Variants in SEMA5A observed in about 807,000 individuals in gnomAD.
The protein encoded by SEMA5A is semaphorin-5A.
A neutral mutation model predicts 135.5 loss-of-function variants in SEMA5A; 55 were observed. The observed-to-expected ratio is 0.41, with a 90% CI of 0.33 to 0.51. The LOEUF (loss-of-function observed/expected upper bound fraction) is 0.51, where lower values mean the gene tolerates loss of function less well. Ranked by LOEUF, SEMA5A falls within the 20% of genes least tolerant of loss-of-function variation. The pLI, the probability that SEMA5A is intolerant of heterozygous loss-of-function variation, is 0.37. For missense variants in SEMA5A, 1,290 were observed against 1,419.9 expected, an observed-to-expected ratio of 0.91 and a Z score of 1.47; for synonymous variants, 580 against 546.5, an observed-to-expected ratio of 1.06 and a Z score of -0.85.
At chr5:9,126,203 A>G (rs1262850865) in intron 13 of SEMA5A, among the ~76,000 whole-genome samples, 2 of 152,148 alleles carry the variant, frequency 1.3e-5, no homozygotes, top group Non-Finnish European at 2.9e-5. Flanking sequence ...AGACACCACC[A>G]TGGGAGCTGT....
At position 9,136,531 on chromosome 5, in the gene SEMA5A, C is replaced by T; in HGVS notation, c.1572G>A (p.Gln524=). ...GACACGCAGAGATGCTCTGTTCCCA[C>T]TGCGTCATGCTCAGGCTCTCCTCCA... ...TSLEESLSMT[Q]WEQSISACPT... is the part of the protein sequence containing the mutation. The change falls in exon 13 of 23, where the codon CAG becomes CAA. Residue 524 remains glutamine (Q), a synonymous_variant. Transcript: ENST00000382496. The T allele has an allele frequency of 6.2e-7, 1 of 1,614,194 alleles. No homozygotes were observed.
At chr5:9,100,090 C>T (rs777378016) in intron 16 of SEMA5A, among the ~76,000 whole-genome samples, 3 of 152,156 alleles carry the variant, frequency 2.0e-5, no homozygotes, top group African/African-American at 4.8e-5. Context: ...TGCCATCTGG[C>T]CTAATAATGG....
At position 9,051,861 on chromosome 5, in the gene SEMA5A, C is replaced by T. The variant is rs754690214; in HGVS notation, c.2845+12G>A. 120 of 1,613,940 alleles carry T rather than the reference C, an allele frequency of 7.4e-5. 4 individuals are homozygous for T. The East Asian group carries it at 2.6e-3, about 35-fold the overall frequency. On this transcript the variant is annotated intron_variant, in intron 20 of 22. Transcript: ENST00000382496. Reference sequence around the variant, plus strand: ...TGATTTTATTCTTACTGATAAATACCTCTGCTCTTACCTGGGATGAAATTA... The same window carrying T: ...TGATTTTATTCTTACTGATAAATACTTCTGCTCTTACCTGGGATGAAATTA...
intron 16 of SEMA5A, among the ~76,000 whole-genome samples, chr5:9,080,613 A>T (rs975514288): frequency 3.9e-5 from 6 of 152,000 alleles, no homozygotes; most frequent in Non-Finnish European, 7.4e-5. Context: ...CAATTGGTAA[A>T]ACTACTAAAG....
intron 5 of SEMA5A, chr5:9,265,369 A>T: frequency 2.2e-6 from 1 of 454,278 alleles, no homozygotes. Context: ...TCAGCTCCCT[A>T]CCAGACCATA....
chr5:9,252,177 C>A (rs968361944), intron 5 of SEMA5A, among the ~76,000 whole-genome samples: 7 of 152,122 alleles, frequency 4.6e-5, no homozygotes, highest in Non-Finnish European at 1.0e-4. Flanking sequence ...TTGAAAGGCC[C>A]TTGGTGGGAA....
chr5:9,409,695 T>C (rs906717487), intron 2 of SEMA5A, among the ~76,000 whole-genome samples: 14 of 152,204 alleles, frequency 9.2e-5, no homozygotes, highest in African/African-American at 3.4e-4. Context: ...CTTCTCTCTC[T>C]GAGGAGGTGT....
intron 11 of SEMA5A, among the ~76,000 whole-genome samples, chr5:9,165,710 T>C (rs1485630107): frequency 2.0e-5 from 3 of 152,246 alleles, no homozygotes; most frequent in Non-Finnish European, 2.9e-5. Flanking sequence ...AGCTTTTGTA[T>C]TTGTATGTGT....
At chr5:9,147,451 T>C (rs1405330530) in intron 12 of SEMA5A, among the ~76,000 whole-genome samples, 3 of 152,096 alleles carry the variant, frequency 2.0e-5, no homozygotes. Context: ...TTTGTATTTT[T>C]AGTAGAGACA....
At chr5:9,506,839 G>T (rs1362811241) in intron 1 of SEMA5A, among the ~76,000 whole-genome samples, 1 of 152,254 alleles carries the variant, frequency 6.6e-6, no homozygotes, top group African/African-American at 2.4e-5. Flanking sequence ...CCCTCTATGT[G>T]CTATCCGAGG....
At chr5:9,300,395 T>C (rs1481503364) in intron 5 of SEMA5A, among the ~76,000 whole-genome samples, 1 of 152,142 alleles carries the variant, frequency 6.6e-6, no homozygotes, top group Non-Finnish European at 1.5e-5. Flanking sequence ...CACAGAATTA[T>C]CTGACCTACA....
At chr5:9,187,346 T>A (rs1043449935) in intron 11 of SEMA5A, among the ~76,000 whole-genome samples, 3 of 152,136 alleles carry the variant, frequency 2.0e-5, no homozygotes, top group Non-Finnish European at 4.4e-5. Context: ...ACATGAAATA[T>A]GTAATTATAG....
intron 1 of SEMA5A, among the ~76,000 whole-genome samples, chr5:9,514,123 C>T (rs527651889): frequency 8.5e-5 from 13 of 152,272 alleles, no homozygotes; most frequent in South Asian, 6.2e-4. Flanking sequence ...GGCTTCCCTT[C>T]CATCTACAAG....
At chr5:9,333,974 C>T (rs958723157) in intron 4 of SEMA5A, among the ~76,000 whole-genome samples, 28 of 151,982 alleles carry the variant, frequency 1.8e-4, no homozygotes, top group African/African-American at 6.5e-4. Context: ...AGTTCATGTG[C>T]ATCCTGGAAA....
intron 4 of SEMA5A, among the ~76,000 whole-genome samples, chr5:9,331,175 T>C (rs1182427339): frequency 6.6e-6 from 1 of 152,196 alleles, no homozygotes; most frequent in African/African-American, 2.4e-5. Flanking sequence ...TAATTATATA[T>C]TGCCTCCAAA....
At chr5:9,095,610 C>T (rs535821200) in intron 16 of SEMA5A, among the ~76,000 whole-genome samples, 78 of 152,162 alleles carry the variant, frequency 5.1e-4, no homozygotes, top group Non-Finnish European at 5.9e-4. Flanking sequence ...TCTTTAATTA[C>T]AAGTTGCCTC....
intron 5 of SEMA5A, among the ~76,000 whole-genome samples, chr5:9,278,051 T>C (rs1449318774): frequency 1.3e-5 from 2 of 152,100 alleles, no homozygotes; most frequent in African/African-American, 4.8e-5. Context: ...GTGTTTATTT[T>C]ACTTTATCAG....
At chr5:9,081,649 T>C (rs1738392231) in intron 16 of SEMA5A, among the ~76,000 whole-genome samples, 1 of 152,210 alleles carries the variant, frequency 6.6e-6, no homozygotes, top group Non-Finnish European at 1.5e-5. Context: ...CTGCAAGTTA[T>C]CTAGGAAGGT....
intron 15 of SEMA5A, among the ~76,000 whole-genome samples, chr5:9,111,629 A>T (rs1244702539): frequency 1.3e-5 from 2 of 152,188 alleles, no homozygotes; most frequent in South Asian, 2.1e-4. Flanking sequence ...CCACACCAGG[A>T]TCTGCTGGCG....
Sources: allele counts gnomAD v4.1 joint callset (sites outside exome capture counted in the v4.1 genomes callset), GRCh38; gene constraint gnomAD v4.1.1; transcripts MANE v1.5; gene names NCBI Gene and HGNC (gene_info 2026-07-23, HGNC 2026-07-21).